Variants in PLSCR2 observed in about 807,000 individuals in gnomAD.
PLSCR2 encodes PL scramblase 2.
A neutral mutation model predicts 25.3 loss-of-function variants in PLSCR2; 18 were observed. The ratio of observed to expected loss-of-function variants is 0.71; its 90% CI spans 0.49 to 1.06. The LOEUF is 1.06. Ranked by LOEUF, PLSCR2 falls within the 50% of genes least tolerant of loss-of-function variation. The pLI, the probability that PLSCR2 is intolerant of heterozygous loss-of-function variation, is 0.00. For synonymous variants in PLSCR2, 88 were observed against 87.3 expected, an observed-to-expected ratio of 1.01 and a Z score of -0.04; for missense variants, 243 against 269.5, an observed-to-expected ratio of 0.90 and a Z score of 0.69.
At chr3:146,419,801 A>G (rs1388057114) in intron 2 of PLSCR2, among the ~76,000 whole-genome samples, 2 of 151,984 alleles carry the variant, frequency 1.3e-5, no homozygotes, top group African/African-American at 2.4e-5. Context: ...CCTTTGTCCT[A>G]TAAGGTCACC....
chr3:146,448,055 G>A (rs771111374), intron 6 of PLSCR2, among the ~76,000 whole-genome samples: 1 of 152,090 alleles, frequency 6.6e-6, no homozygotes, highest in Non-Finnish European at 1.5e-5. Context: ...CCACTGCCGG[G>A]TATGGGGGAG....
intron 2 of PLSCR2, among the ~76,000 whole-genome samples, chr3:146,414,403 G>T (rs1018058053): frequency 9.2e-5 from 14 of 152,042 alleles, no homozygotes; most frequent in African/African-American, 3.1e-4. Context: ...CTTGTTTATT[G>T]TAATTACTTA....
At chr3:146,400,054 C>T (rs991141440) in intron 2 of PLSCR2, among the ~76,000 whole-genome samples, 1 of 151,674 alleles carries the variant, frequency 6.6e-6, no homozygotes, top group African/African-American at 2.4e-5. Flanking sequence ...CCTCAAGCCA[C>T]AAAATATAGG....
At chr3:146,423,079 G>A (rs2039204801) in intron 2 of PLSCR2, among the ~76,000 whole-genome samples, 1 of 152,012 alleles carries the variant, frequency 6.6e-6, no homozygotes, top group South Asian at 2.1e-4. Flanking sequence ...TGGAGGGTCT[G>A]TGGGAAAGAA....
chr3:146,424,424 C>T (rs921697711), intron 2 of PLSCR2, among the ~76,000 whole-genome samples: 1 of 152,078 alleles, frequency 6.6e-6, no homozygotes, highest in African/African-American at 2.4e-5. Flanking sequence ...TTGGGGGACA[C>T]CAACATTTAG....
chr3:146,454,569 GT>G (rs1014052288), intron 4 of PLSCR2, among the ~76,000 whole-genome samples: 13 of 152,136 alleles, frequency 8.5e-5, no homozygotes, highest in African/African-American at 2.9e-4. Context: ...CAGATATGGT[GT>G]TGCGCCAATG....
chr3:146,447,380 A>G (rs1197425838), intron 6 of PLSCR2, among the ~76,000 whole-genome samples: 1 of 152,188 alleles, frequency 6.6e-6, no homozygotes, highest in Non-Finnish European at 1.5e-5. Context: ...TAGGACAGAC[A>G]TTAGGACCCA....
At chr3:146,466,335 T>C (rs1244222657) in intron 1 of PLSCR2, among the ~76,000 whole-genome samples, 1 of 152,100 alleles carries the variant, frequency 6.6e-6, no homozygotes, top group South Asian at 2.1e-4. Flanking sequence ...CACACCTGGG[T>C]AATTTTTGTA....
At chr3:146,495,911 A>C (rs2043731402) in exon 1 of PLSCR2, 2 of 1,535,654 alleles carry the variant, frequency 1.3e-6, no homozygotes, top group Middle Eastern at 3.3e-4. Context: ...GGTGAATTTG[A>C]AAAGGCTTCA....
At chr3:146,447,496 G>A (rs2040621750) in intron 6 of PLSCR2, among the ~76,000 whole-genome samples, 1 of 152,178 alleles carries the variant, frequency 6.6e-6, no homozygotes, top group South Asian at 2.1e-4. Context: ...CATTGTCTGG[G>A]TGCTAGGGCC....
chr3:146,418,879 C>T (rs1379964319), intron 2 of PLSCR2, among the ~76,000 whole-genome samples: 1 of 152,136 alleles, frequency 6.6e-6, no homozygotes, highest in Non-Finnish European at 1.5e-5. Flanking sequence ...AAAAATCACA[C>T]ACCTAAACTC....
chr3:146,483,479 G>GTA (rs56655616), intron 1 of PLSCR2, among the ~76,000 whole-genome samples: 5,486 of 54,514 alleles, frequency 0.1, 291 homozygotes, highest in East Asian at 0.16. Context: ...ATATACATGT[G>GTA]TATATATATA....
At chr3:146,432,995 T>C (rs1418398956), downstream of PLSCR2, among the ~76,000 whole-genome samples, 1 of 152,200 alleles carries the variant, frequency 6.6e-6, no homozygotes, top group African/African-American at 2.4e-5. Context: ...ATTCTTATTG[T>C]GCATGAATTG....
chr3:146,448,015 C>G (rs2040662677), intron 6 of PLSCR2, among the ~76,000 whole-genome samples: 1 of 152,198 alleles, frequency 6.6e-6, no homozygotes. Flanking sequence ...CCTCCCCCAA[C>G]CACACAGATT....
intron 2 of PLSCR2, among the ~76,000 whole-genome samples, chr3:146,420,491 CTG>C (rs2039111968): frequency 6.6e-6 from 1 of 151,810 alleles, no homozygotes; most frequent in South Asian, 2.1e-4. Context: ...CTAAGTAACG[CTG>C]TGTTGATTTT....
downstream of PLSCR2, among the ~76,000 whole-genome samples, chr3:146,441,071 A>G (rs557237841): frequency 1.4e-4 from 21 of 152,282 alleles, no homozygotes; most frequent in African/African-American, 4.1e-4. Flanking sequence ...TTCTTTATTT[A>G]CTGAAAACCA....
At chr3:146,431,048 C>CTA (rs551213621), downstream of PLSCR2, among the ~76,000 whole-genome samples, 4 of 152,274 alleles carry the variant, frequency 2.6e-5, no homozygotes, top group African/African-American at 9.6e-5. Context: ...GTTAGGCCCT[C>CTA]ATGGAGCAGG....
chr3:146,495,712 C>A (rs562847763), intron 1 of PLSCR2, among the ~76,000 whole-genome samples: 7 of 152,322 alleles, frequency 4.6e-5, no homozygotes, highest in African/African-American at 1.7e-4. Context: ...TATTATAAGT[C>A]ACCCAGTCTA....
intron 2 of PLSCR2, among the ~76,000 whole-genome samples, chr3:146,423,063 C>G (rs35102814): frequency 0.25 from 37,447 of 151,778 alleles, 5,106 homozygotes; most frequent in South Asian, 0.44. Flanking sequence ...GTATGGGCAT[C>G]CCATTTGGAG....
Sources: gnomAD v4.1 joint callset for allele counts (sites outside exome capture counted in the v4.1 genomes callset) on GRCh38, gnomAD v4.1.1 for gene constraint, MANE v1.5 for transcripts, NCBI Gene and HGNC (gene_info 2026-07-23, HGNC 2026-07-21) for gene names.